The following HMGCLL1 variants were observed in gnomAD, a reference collection of about 807,000 sequenced individuals.
The protein encoded by HMGCLL1 is 3-hydroxy-3-methylglutaryl-CoA lyase like 1, also known as 3-hydroxymethyl-3-methylglutaryl-CoA lyase, cytoplasmic.
A neutral mutation model predicts 39.1 loss-of-function variants in HMGCLL1; 36 were observed. The observed-to-expected ratio is 0.92, with a 90% CI of 0.71 to 1.22. The LOEUF is 1.22. Ranked by LOEUF, HMGCLL1 falls within the 50% of genes most tolerant of loss-of-function variation. HMGCLL1 has a pLI of 0.00. For synonymous variants in HMGCLL1, 149 were observed against 144.0 expected, an observed-to-expected ratio of 1.03 and a Z score of -0.25; for missense variants, 451 against 416.5, an observed-to-expected ratio of 1.08 and a Z score of -0.72.
the HMGCLL1 span, among the ~76,000 whole-genome samples, chr6:55,632,610 T>C: frequency 1.3e-5 from 2 of 151,934 alleles, no homozygotes; most frequent in African/African-American, 4.8e-5. Context: ...TTACATCAGT[T>C]TAATATTTTT....
At chr6:55,556,309 A>G (rs1770663358) in intron 1 of HMGCLL1, among the ~76,000 whole-genome samples, 1 of 152,222 alleles carries the variant, frequency 6.6e-6, no homozygotes, top group East Asian at 1.9e-4. Context: ...ATTTTATGTA[A>G]GAATTGTGTT....
At chr6:55,503,317 T>C (rs1581866521) in intron 5 of HMGCLL1, among the ~76,000 whole-genome samples, 1 of 151,774 alleles carries the variant, frequency 6.6e-6, no homozygotes, top group Non-Finnish European at 1.5e-5. Context: ...CTCCAAGACA[T>C]AGTTCCAAAT....
intron 1 of HMGCLL1, among the ~76,000 whole-genome samples, chr6:55,575,744 G>A (rs1464736484): frequency 1.3e-5 from 2 of 150,984 alleles, no homozygotes; most frequent in Non-Finnish European, 3.0e-5. Flanking sequence ...AAACTACTAT[G>A]AGGTCCTATG....
the HMGCLL1 span, among the ~76,000 whole-genome samples, chr6:55,655,699 A>G: frequency 6.6e-6 from 1 of 151,924 alleles, no homozygotes; most frequent in Non-Finnish European, 1.5e-5. Context: ...TCTGTCAACC[A>G]CCTTCATACT....
chr6:55,492,171 C>A (rs1766345578), intron 7 of HMGCLL1, among the ~76,000 whole-genome samples: 1 of 152,174 alleles, frequency 6.6e-6, no homozygotes, highest in African/African-American at 2.4e-5. Flanking sequence ...TCCACATCCA[C>A]CACCAATCTT....
At chr6:55,605,370 T>G in the HMGCLL1 span, among the ~76,000 whole-genome samples, 2 of 152,134 alleles carry the variant, frequency 1.3e-5, no homozygotes, top group East Asian at 1.9e-4. Context: ...TCTTGCACAT[T>G]AAACTGCATC....
At chr6:55,569,999 ACT>A (rs1771397324) in intron 1 of HMGCLL1, among the ~76,000 whole-genome samples, 1 of 152,038 alleles carries the variant, frequency 6.6e-6, no homozygotes. Context: ...AGAGATAAGG[ACT>A]CTCTTAAAAT....
At chr6:55,667,599 G>A in the HMGCLL1 span, among the ~76,000 whole-genome samples, 23 of 151,748 alleles carry the variant, frequency 1.5e-4, no homozygotes, top group Non-Finnish European at 3.4e-4. Flanking sequence ...AGGGAAAGAA[G>A]CCAGTTTGTG....
At chr6:55,596,949 A>T in the HMGCLL1 span, among the ~76,000 whole-genome samples, 2 of 152,154 alleles carry the variant, frequency 1.3e-5, no homozygotes, top group Non-Finnish European at 2.9e-5. Context: ...TTATCAACAT[A>T]AAAAAGTTTA....
intron 7 of HMGCLL1, among the ~76,000 whole-genome samples, chr6:55,443,184 T>C (rs974018938): frequency 6.6e-6 from 1 of 152,086 alleles, no homozygotes; most frequent in African/African-American, 2.4e-5. Flanking sequence ...CAATCCGGGG[T>C]ATGGGTCAGC....
chr6:55,586,889 A>G, the HMGCLL1 span, among the ~76,000 whole-genome samples: 2 of 152,124 alleles, frequency 1.3e-5, no homozygotes, highest in Non-Finnish European at 2.9e-5. Context: ...AGCATGATTT[A>G]TAATCCTTTG....
chr6:55,606,640 C>T, the HMGCLL1 span, among the ~76,000 whole-genome samples: 1 of 152,164 alleles, frequency 6.6e-6, no homozygotes, highest in Non-Finnish European at 1.5e-5. Flanking sequence ...GATGTCACCA[C>T]AAACATAATT....
chr6:55,546,276 C>T (rs937213124), intron 1 of HMGCLL1, among the ~76,000 whole-genome samples: 3 of 152,084 alleles, frequency 2.0e-5, no homozygotes, highest in African/African-American at 4.8e-5. Context: ...CAAGAGACTT[C>T]TGACTTCCGC....
At chr6:55,442,549 CA>C (rs1445016075) in intron 7 of HMGCLL1, among the ~76,000 whole-genome samples, 4 of 152,060 alleles carry the variant, frequency 2.6e-5, no homozygotes, top group Non-Finnish European at 5.9e-5. Context: ...AGGATACTTA[CA>C]AAATCTCACA....
chr6:55,543,410 AATCATATATGATATATATCATAT>A (rs1178258879), intron 1 of HMGCLL1, among the ~76,000 whole-genome samples: 1 of 80,268 alleles, frequency 1.2e-5, no homozygotes, highest in Non-Finnish European at 2.1e-5. Context: ...TATAATATAA[AATCATATATGATATATATCATAT>A]ATCATATATG....
At chr6:55,471,594 G>A (rs768040482) in intron 7 of HMGCLL1, among the ~76,000 whole-genome samples, 2 of 151,638 alleles carry the variant, frequency 1.3e-5, no homozygotes, top group Non-Finnish European at 3.0e-5. Context: ...GCATTTTTCA[G>A]ATTAATGTTG....
intron 7 of HMGCLL1, among the ~76,000 whole-genome samples, chr6:55,449,451 T>C (rs551668541): frequency 1.3e-5 from 2 of 152,216 alleles, no homozygotes; most frequent in African/African-American, 4.8e-5. Context: ...AACACACTCA[T>C]TTACCAGGAA....
intron 7 of HMGCLL1, among the ~76,000 whole-genome samples, chr6:55,452,048 G>A (rs956166656): frequency 1.3e-5 from 2 of 152,020 alleles, no homozygotes; most frequent in South Asian, 4.2e-4. Context: ...AATGAGTATG[G>A]CACAATACTG....
the HMGCLL1 span, among the ~76,000 whole-genome samples, chr6:55,623,044 G>T: frequency 6.6e-6 from 1 of 151,832 alleles, no homozygotes; most frequent in Non-Finnish European, 1.5e-5. Flanking sequence ...CAATTTATTG[G>T]TATATAGTTG....
Sources: gnomAD v4.1 joint callset for allele counts (sites outside exome capture counted in the v4.1 genomes callset) on GRCh38, gnomAD v4.1.1 for gene constraint, MANE v1.5 for transcripts, NCBI Gene and HGNC (gene_info 2026-07-23, HGNC 2026-07-21) for gene names.